The following RNF24 variants were observed in gnomAD, a reference collection of about 807,000 sequenced individuals.
The protein encoded by RNF24 is ring finger protein 24.
RNF24 carries 14 observed loss-of-function variants against 20.0 expected under a neutral mutation model. The observed-to-expected ratio is 0.70, with a 90% confidence interval of 0.46 to 1.10. RNF24 has a LOEUF of 1.10. Ranked by LOEUF, RNF24 falls within the 50% of genes least tolerant of loss-of-function variation. The probability of loss-of-function intolerance (pLI) is 0.00; values close to 1 mark genes in which losing one functional copy is unlikely to be tolerated. For synonymous variants in RNF24, 45 were observed against 61.1 expected (o/e 0.74, Z 1.23); for missense variants, 124 against 177.6 (o/e 0.70, Z 1.71).
At chr20:3,989,466 G>C (rs1190060948) in intron 1 of RNF24, among the ~76,000 whole-genome samples, 12 of 151,342 alleles carry the variant, frequency 7.9e-5, no homozygotes, top group Admixed American at 7.9e-4. Flanking sequence ...ACTCCAGCCT[G>C]GGTGACAGAG....
At chr20:4,004,339 G>C (rs1161692870) in intron 1 of RNF24, among the ~76,000 whole-genome samples, 1 of 152,004 alleles carries the variant, frequency 6.6e-6, no homozygotes, top group Non-Finnish European at 1.5e-5. Flanking sequence ...CTGAATACTT[G>C]TCTAATCTCG....
At chr20:3,988,606 T>C (rs1273939620) in intron 1 of RNF24, among the ~76,000 whole-genome samples, 2 of 152,026 alleles carry the variant, frequency 1.3e-5, no homozygotes, top group African/African-American at 4.8e-5. Flanking sequence ...ACTATAGGCA[T>C]GGACCATGAA....
At chr20:3,964,976 T>C (rs1349117957) in intron 1 of RNF24, among the ~76,000 whole-genome samples, 1 of 152,180 alleles carries the variant, frequency 6.6e-6, no homozygotes, top group African/African-American at 2.4e-5. Flanking sequence ...GTTACTTTTA[T>C]AATCAGAAAC....
Position 3,963,355 on chromosome 20 carries a change from G to A in RNF24, c.143+520C>T, listed in dbSNP as rs2091223422. On this transcript the variant is annotated intron_variant, in intron 2 of 5. Transcript: ENST00000358395. ...TTACAGGCATGAGCCACCACGCCCA[G>A]CTAATTTTTGTATTTTTGGTAGAGA... Among the ~76,000 whole-genome samples the A allele has an allele frequency of 2.6e-5, 4 of 152,084 alleles. 1 individual carries two copies. The East Asian group carries it at 7.7e-4, about 29-fold the overall frequency.
intron 1 of RNF24, among the ~76,000 whole-genome samples, chr20:4,014,129 T>C (rs570504575): frequency 6.6e-6 from 1 of 152,240 alleles, no homozygotes; most frequent in Non-Finnish European, 1.5e-5. Context: ...GTGTTCTGTT[T>C]TCCAGTAGTC....
chr20:3,949,962 A>T (rs2091063324), intron 2 of RNF24, among the ~76,000 whole-genome samples: 2 of 144,374 alleles, frequency 1.4e-5, no homozygotes, highest in Non-Finnish European at 3.0e-5. Context: ...ATTGGTCTTT[A>T]TGTATGCTGT....
At chr20:3,947,915 G>A (rs241641) in intron 3 of RNF24, among the ~76,000 whole-genome samples, 47,236 of 151,734 alleles carry the variant, frequency 0.31, 8,070 homozygotes, top group African/African-American at 0.46. Flanking sequence ...GCGTGGTGGC[G>A]CATGCCTGTA....
chr20:3,980,613 C>T (rs1308922737), intron 1 of RNF24, among the ~76,000 whole-genome samples: 1 of 152,168 alleles, frequency 6.6e-6, no homozygotes, highest in Non-Finnish European at 1.5e-5. Context: ...GGGCGAACTA[C>T]TGTAAACTGA....
intron 4 of RNF24, among the ~76,000 whole-genome samples, chr20:3,938,143 T>A (rs1450110546): frequency 6.6e-6 from 1 of 152,244 alleles, no homozygotes; most frequent in South Asian, 2.1e-4. Flanking sequence ...TTACTATAGT[T>A]ATCATAATGG....
At chr20:3,964,092 T>C (rs910409134) in intron 1 of RNF24, 68 bp from the exon 2 acceptor site, 3 of 1,422,270 alleles carry the variant, frequency 2.1e-6, no homozygotes, top group African/African-American at 2.8e-5. Flanking sequence ...ATTATCATTG[T>C]GCACGTATAG....
rs1474647011 is a variant in RNF24, at chr20:3,930,342, C to A, written c.*3721G>T. 6.6e-6 allele frequency: 1 copy of A among 152,166 alleles called. No homozygotes were observed. The highest frequency in any genetic ancestry group is 2.4e-5 in the African/African-American group (1 of 41,428). 9.4% of individuals were successfully genotyped at this position (152,166 alleles called of 1,614,324 possible). ...GGGAAAGCCCCTACAGCTCAGGAAG[C>A]TTTTTGGCTGAGGTTCTGTTCCTAT... is the stretch of plus-strand genomic sequence containing the variant. On this transcript the variant is annotated 3_prime_UTR_variant, in exon 6 of 6. Transcript: ENST00000358395.
At chr20:3,993,905 C>T (rs1980657915) in intron 1 of RNF24, among the ~76,000 whole-genome samples, 2 of 152,052 alleles carry the variant, frequency 1.3e-5, no homozygotes, top group Non-Finnish European at 2.9e-5. Context: ...GCCTAACTTC[C>T]CCAAATGTTA....
intron 1 of RNF24, among the ~76,000 whole-genome samples, chr20:3,996,041 T>C (rs1455226225): frequency 2.0e-5 from 3 of 152,216 alleles, no homozygotes; most frequent in African/African-American, 4.8e-5. Flanking sequence ...TATACAAGTT[T>C]GTAATTTTTC....
intron 1 of RNF24, among the ~76,000 whole-genome samples, chr20:3,997,596 A>AT (rs142585201): frequency 0.12 from 18,275 of 149,806 alleles, 1,415 homozygotes; most frequent in Non-Finnish European, 0.17. Flanking sequence ...CCAGCTAATT[A>AT]TTTTTTTTTT....
At position 3,927,412 on chromosome 20, in the gene RNF24, TTAAA is replaced by T. The variant is rs1296671624; in HGVS notation, c.*6647_*6650del. Reference sequence around the variant, plus strand: ...ATGCATTAAAATTTTAAAATAGCAATTAAATATACAAAAATATAGCTTACAAAAA... The same window carrying T: ...ATGCATTAAAATTTTAAAATAGCAATTATACAAAAATATAGCTTACAAAAA... On this transcript the variant is annotated 3_prime_UTR_variant, in exon 6 of 6. Transcript: ENST00000358395. The T allele has an allele frequency of 6.6e-6, 1 of 151,882 alleles. No individual in the cohort carries two copies. Among genetic ancestry groups the T allele is most frequent in the Non-Finnish European group, 1.5e-5 (1 of 68,006 alleles). 9.4% of individuals were successfully genotyped at this position (151,882 alleles called of 1,614,324 possible).
intron 1 of RNF24, among the ~76,000 whole-genome samples, chr20:3,976,544 G>A (rs1267641948): frequency 2.0e-5 from 3 of 152,148 alleles, no homozygotes; most frequent in Non-Finnish European, 4.4e-5. Context: ...CCAGGGAAAT[G>A]AAAACCTATG....
At chr20:3,977,334 GAAGTAT>G (rs1978948847) in intron 1 of RNF24, among the ~76,000 whole-genome samples, 1 of 152,100 alleles carries the variant, frequency 6.6e-6, no homozygotes, top group African/African-American at 2.4e-5. Flanking sequence ...AGTTGTTACA[GAAGTAT>G]AAGTCTAAAT....
At chr20:3,959,428 T>G (rs928803460) in intron 2 of RNF24, among the ~76,000 whole-genome samples, 4 of 152,248 alleles carry the variant, frequency 2.6e-5, no homozygotes, top group African/African-American at 9.6e-5. Context: ...TCATAATAAC[T>G]GTAGCCCCAA....
chr20:3,947,229 G>A (rs1600638904), intron 3 of RNF24, among the ~76,000 whole-genome samples: 2 of 152,268 alleles, frequency 1.3e-5, no homozygotes, highest in East Asian at 3.9e-4. Context: ...GTTCTGAAGT[G>A]TTACAGTTCC....
Sources: gnomAD v4.1 joint callset for allele counts (sites outside exome capture counted in the v4.1 genomes callset) on GRCh38, gnomAD v4.1.1 for gene constraint, MANE v1.5 for transcripts, NCBI Gene and HGNC (gene_info 2026-07-23, HGNC 2026-07-21) for gene names.